The following ADK variants were observed in gnomAD, a reference collection of about 807,000 sequenced individuals.
The protein encoded by ADK is adenosine kinase.
Under a neutral mutation model 44.7 loss-of-function variants are expected in ADK, and 24 were observed. That is an observed-to-expected ratio of 0.54 (90% CI 0.39 to 0.76). ADK has a LOEUF of 0.76. Among genes scored for constraint, ADK ranks in the 30% least tolerant of loss-of-function variants. The pLI, the probability that ADK is intolerant of heterozygous loss-of-function variation, is 0.00. For missense variants in ADK, 321 were observed against 425.1 expected (o/e 0.76, Z 2.15); for synonymous variants, 128 against 142.6 (o/e 0.90, Z 0.73).
chr10:74,498,705 G>A (rs1056002292), intron 6 of ADK, among the ~76,000 whole-genome samples: 1 of 152,004 alleles, frequency 6.6e-6, no homozygotes, highest in Admixed American at 6.5e-5. Context: ...GGCCTTGTGT[G>A]TGTTGTTCCC....
At chr10:74,419,769 T>C (rs565602969) in intron 6 of ADK, among the ~76,000 whole-genome samples, 82 of 152,306 alleles carry the variant, frequency 5.4e-4, no homozygotes, top group Middle Eastern at 3.4e-3. Context: ...GTTATTACAT[T>C]GAAGACCTTC....
intron 3 of ADK, among the ~76,000 whole-genome samples, chr10:74,278,365 T>A (rs866017267): frequency 0.012 from 1,003 of 82,444 alleles, 2 homozygotes; most frequent in Middle Eastern, 0.043. Context: ...AAAAAAAAAA[T>A]TAAAAAAAAA....
intron 10 of ADK, among the ~76,000 whole-genome samples, chr10:74,701,277 C>A (rs1041317242): frequency 2.0e-5 from 3 of 152,152 alleles, no homozygotes; most frequent in African/African-American, 7.2e-5. Flanking sequence ...TAAAATAGGT[C>A]TCTGTACACA....
At chr10:74,536,248 C>T (rs1195920580) in intron 7 of ADK, among the ~76,000 whole-genome samples, 1 of 152,022 alleles carries the variant, frequency 6.6e-6, no homozygotes, top group African/African-American at 2.4e-5. Context: ...GTAGCCTTAA[C>T]TGTAGTGCCT....
At chr10:74,151,756 C>G (rs1267675217) in intron 1 of ADK, among the ~76,000 whole-genome samples, 2 of 152,208 alleles carry the variant, frequency 1.3e-5, no homozygotes, top group African/African-American at 4.8e-5. Context: ...AGTCAGAATT[C>G]TTGGGGATTT....
intron 4 of ADK, among the ~76,000 whole-genome samples, chr10:74,373,353 G>A (rs559404708): frequency 3.0e-4 from 45 of 152,168 alleles, no homozygotes; most frequent in African/African-American, 1.1e-3. Context: ...AAAGTTTTGT[G>A]CTTTAAAGGA....
intron 6 of ADK, among the ~76,000 whole-genome samples, chr10:74,476,556 T>C (rs1035515343): frequency 7.2e-5 from 11 of 152,162 alleles, no homozygotes; most frequent in African/African-American, 2.7e-4. Context: ...ATACAATGCT[T>C]ATATATAGTT....
rs923439979 is a variant in ADK, at chr10:74,376,869, G to A, written c.274-17272G>A. 4.0e-5 allele frequency among the ~76,000 whole-genome samples: 6 copies of A among 149,494 alleles called. No homozygotes were observed. In the Admixed American group the frequency reaches 4.0e-4, roughly 10 times the overall value. ...GAGAATATCTCACTTTCTGAATTTG[G>A]TTAGTTGCTTCATATTTAGTATTTG... On this transcript the variant is annotated intron_variant, in intron 4 of 10. Coordinates refer to ENST00000539909, the MANE Select transcript of ADK (RefSeq NM_006721.4).
chr10:74,568,301 T>C (rs1850769607), intron 7 of ADK, among the ~76,000 whole-genome samples: 2 of 152,128 alleles, frequency 1.3e-5, no homozygotes, highest in Admixed American at 6.5e-5. Flanking sequence ...AATATTGCTT[T>C]CCCCTTAATT....
At chr10:74,366,840 G>A (rs184686079) in intron 4 of ADK, among the ~76,000 whole-genome samples, 4 of 152,278 alleles carry the variant, frequency 2.6e-5, no homozygotes, top group African/African-American at 9.6e-5. Context: ...TGAGGTGGGC[G>A]GATTGTTTGA....
chr10:74,404,349 G>T (rs1043655824), intron 6 of ADK, among the ~76,000 whole-genome samples: 1 of 151,802 alleles, frequency 6.6e-6, no homozygotes, highest in East Asian at 1.9e-4. Flanking sequence ...TTTTACTCAG[G>T]TATTTATCAT....
chr10:74,291,862 T>C (rs1847452188), intron 3 of ADK, among the ~76,000 whole-genome samples: 1 of 152,012 alleles, frequency 6.6e-6, no homozygotes, highest in Admixed American at 6.6e-5. Context: ...ATTTTGTTCT[T>C]CGTGACTTTT....
At chr10:74,580,094 T>C (rs568327338) in intron 7 of ADK, among the ~76,000 whole-genome samples, 2 of 152,030 alleles carry the variant, frequency 1.3e-5, no homozygotes, top group Non-Finnish European at 2.9e-5. Context: ...GCCATTAGAG[T>C]AGCCCTGAAA....
chr10:74,636,585 T>G (rs1005486963), intron 9 of ADK, among the ~76,000 whole-genome samples: 8 of 152,226 alleles, frequency 5.3e-5, no homozygotes, highest in African/African-American at 1.9e-4. Context: ...CCTACTATGT[T>G]CTATGTACTT....
intron 10 of ADK, among the ~76,000 whole-genome samples, chr10:74,706,076 G>A (rs1856595661): frequency 1.3e-5 from 2 of 152,102 alleles, no homozygotes; most frequent in Admixed American, 1.3e-4. Context: ...ACTTATACAT[G>A]TAATCCCAGT....
intron 3 of ADK, among the ~76,000 whole-genome samples, chr10:74,247,710 G>T (rs138249286): frequency 2.0e-5 from 3 of 152,196 alleles, no homozygotes; most frequent in African/African-American, 4.8e-5. Flanking sequence ...CTCAAAAAAT[G>T]TCTAGAAAAA....
At chr10:74,414,204 G>A (rs942386800) in intron 6 of ADK, among the ~76,000 whole-genome samples, 4 of 151,770 alleles carry the variant, frequency 2.6e-5, no homozygotes, top group African/African-American at 4.8e-5. Context: ...ATAAACCTTC[G>A]ATTTGTAAAA....
At chr10:74,483,144 G>A (rs564619832) in intron 6 of ADK, among the ~76,000 whole-genome samples, 2 of 152,272 alleles carry the variant, frequency 1.3e-5, no homozygotes, top group African/African-American at 4.8e-5. Flanking sequence ...TGGACATCAG[G>A]TGTTTCCATA....
At chr10:74,402,275 G>C (rs1487735408) in intron 6 of ADK, among the ~76,000 whole-genome samples, 1 of 152,038 alleles carries the variant, frequency 6.6e-6, no homozygotes, top group East Asian at 1.9e-4. Flanking sequence ...TCCCAAATTT[G>C]AATGTTGGCC....
Sources: gnomAD v4.1 joint callset for allele counts (sites outside exome capture counted in the v4.1 genomes callset) on GRCh38, gnomAD v4.1.1 for gene constraint, MANE v1.5 for transcripts, NCBI Gene and HGNC (gene_info 2026-07-23, HGNC 2026-07-21) for gene names.